C12orf42: variants seen among roughly 807,000 people sequenced by gnomAD.
C12orf42 encodes the protein chromosome 12 open reading frame 42, also known as uncharacterized protein C12orf42.
C12orf42 carries 25 observed loss-of-function variants against 21.6 expected under a neutral mutation model. The observed-to-expected ratio is 1.16, with a 90% confidence interval of 0.84 to 1.62. C12orf42 has a LOEUF of 1.62. C12orf42 is among the 40% of genes most tolerant of loss of function. C12orf42 has a pLI of 0.00. For synonymous variants in C12orf42, 174 were observed against 175.0 expected (o/e 0.99, Z 0.05); for missense variants, 483 against 459.3 (o/e 1.05, Z -0.47).
At chr12:103,206,628 G>C in the C12orf42 span, among the ~76,000 whole-genome samples, 1 of 152,032 alleles carries the variant, frequency 6.6e-6, no homozygotes, top group Non-Finnish European at 1.5e-5. Flanking sequence ...GGGTCTCACT[G>C]TCTCGCCCAA....
chr12:103,346,202 T>C (rs1282769653), intron 4 of C12orf42, among the ~76,000 whole-genome samples: 1 of 152,182 alleles, frequency 6.6e-6, no homozygotes, highest in African/African-American at 2.4e-5. Context: ...TTTCCTTAAT[T>C]ATATGCCATT....
chr12:103,233,425 C>A (rs900735615), downstream of C12orf42, among the ~76,000 whole-genome samples: 5 of 152,190 alleles, frequency 3.3e-5, no homozygotes, highest in Admixed American at 6.5e-5. Context: ...GAACTGACAT[C>A]TTGACAATAT....
the C12orf42 span, among the ~76,000 whole-genome samples, chr12:103,054,603 C>G: frequency 2.0e-5 from 3 of 151,746 alleles, no homozygotes; most frequent in African/African-American, 4.8e-5. Context: ...TTAGAACTTT[C>G]AGCACTATAT....
the C12orf42 span, among the ~76,000 whole-genome samples, chr12:103,115,737 G>C: frequency 6.6e-6 from 1 of 152,156 alleles, no homozygotes; most frequent in Admixed American, 6.5e-5. Flanking sequence ...GCTTGCTTTT[G>C]TGAACAAAAA....
intron 2 of C12orf42, among the ~76,000 whole-genome samples, chr12:103,464,480 G>A (rs1952966271): frequency 6.6e-6 from 1 of 151,128 alleles, no homozygotes; most frequent in South Asian, 2.1e-4. Context: ...TTGTCAGATA[G>A]ATAGATTGCA....
intron 2 of C12orf42, among the ~76,000 whole-genome samples, chr12:103,443,944 T>A (rs116529128): frequency 5.3e-5 from 8 of 152,266 alleles, no homozygotes; most frequent in African/African-American, 1.9e-4. Context: ...TGTTGCACAT[T>A]TTTTTAACAT....
the C12orf42 span, among the ~76,000 whole-genome samples, chr12:103,098,968 A>G: frequency 1.6e-4 from 25 of 152,336 alleles, no homozygotes; most frequent in African/African-American, 6.0e-4. Flanking sequence ...GGTGATGGTA[A>G]CAAAGATAAC....
chr12:103,180,615 C>CTTTT, the C12orf42 span, among the ~76,000 whole-genome samples: 66 of 61,994 alleles, frequency 1.1e-3, no homozygotes, highest in African/African-American at 1.5e-3. Context: ...AAATAATTTC[C>CTTTT]TTTTTTTTTT....
the C12orf42 span, among the ~76,000 whole-genome samples, chr12:103,510,613 G>T: frequency 6.6e-6 from 1 of 152,114 alleles, no homozygotes; most frequent in Non-Finnish European, 1.5e-5. Context: ...AGGGAATTCT[G>T]CCACGGAGAT....
the C12orf42 span, among the ~76,000 whole-genome samples, chr12:103,073,666 T>C: frequency 6.6e-6 from 1 of 152,142 alleles, no homozygotes; most frequent in Non-Finnish European, 1.5e-5. Flanking sequence ...GGAGGGGTTT[T>C]GCTTGCATGA....
chr12:103,352,255 G>T (rs759402136), intron 4 of C12orf42, among the ~76,000 whole-genome samples: 3 of 152,140 alleles, frequency 2.0e-5, no homozygotes, highest in Non-Finnish European at 2.9e-5. Context: ...TTGAAGCAGA[G>T]GCCAAGTAGG....
chr12:103,527,566 A>G, the C12orf42 span, among the ~76,000 whole-genome samples: 1 of 152,304 alleles, frequency 6.6e-6, no homozygotes, highest in East Asian at 1.9e-4. Context: ...TATCATGAGT[A>G]GGTTTTTCTC....
At chr12:103,201,992 G>A in the C12orf42 span, among the ~76,000 whole-genome samples, 1 of 152,182 alleles carries the variant, frequency 6.6e-6, no homozygotes, top group South Asian at 2.1e-4. Context: ...ATTTAAGAAT[G>A]TATTCTAATA....
intron 3 of C12orf42, among the ~76,000 whole-genome samples, chr12:103,394,794 C>G (rs564913231): frequency 7.2e-5 from 11 of 152,222 alleles, no homozygotes; most frequent in Non-Finnish European, 1.5e-4. Flanking sequence ...TAACTGAGAC[C>G]AACTCCAAAC....
At chr12:103,358,073 C>T (rs1415966834) in intron 4 of C12orf42, among the ~76,000 whole-genome samples, 3 of 152,010 alleles carry the variant, frequency 2.0e-5, no homozygotes, top group African/African-American at 7.2e-5. Flanking sequence ...TTTGGGGTGA[C>T]GACTCCATGT....
At chr12:103,334,924 AT>A (rs1005844092) in intron 4 of C12orf42, among the ~76,000 whole-genome samples, 2 of 151,552 alleles carry the variant, frequency 1.3e-5, no homozygotes, top group East Asian at 1.9e-4. Context: ...AAAGTTCTAC[AT>A]TTTTTTTTCT....
intron 4 of C12orf42, among the ~76,000 whole-genome samples, chr12:103,345,554 A>G (rs971991003): frequency 3.3e-5 from 5 of 152,182 alleles, no homozygotes; most frequent in Admixed American, 2.6e-4. Context: ...AGAACTTTGT[A>G]AATCTTGGAT....
chr12:103,145,134 G>A, the C12orf42 span, among the ~76,000 whole-genome samples: 30 of 152,204 alleles, frequency 2.0e-4, no homozygotes, highest in African/African-American at 6.7e-4. Flanking sequence ...GAGAGTCCCC[G>A]TCTCCCCAAA....
At chr12:103,103,093 A>G in the C12orf42 span, among the ~76,000 whole-genome samples, 1 of 152,182 alleles carries the variant, frequency 6.6e-6, no homozygotes, top group Non-Finnish European at 1.5e-5. Flanking sequence ...GACATAATCT[A>G]ACTAAGCACA....
Sources: allele counts gnomAD v4.1 joint callset (sites outside exome capture counted in the v4.1 genomes callset), GRCh38; gene constraint gnomAD v4.1.1; transcripts MANE v1.5; gene names NCBI Gene and HGNC (gene_info 2026-07-23, HGNC 2026-07-21).